Variants in PLCB1 observed in about 807,000 individuals in gnomAD.
PLCB1 encodes the protein phospholipase C beta 1, also known as 1-phosphatidylinositol 4,5-bisphosphate phosphodiesterase beta-1.
PLCB1 carries 46 observed loss-of-function variants against 161.8 expected under a neutral mutation model. The observed-to-expected ratio is 0.28, with a 90% CI of 0.22 to 0.36. The LOEUF is 0.36. Among genes scored for constraint, PLCB1 ranks in the 10% least tolerant of loss-of-function variants. The pLI, the probability that PLCB1 is intolerant of heterozygous loss-of-function variation, is 1.00. For missense variants in PLCB1, 1,016 were observed against 1,472.5 expected (o/e 0.69, Z 5.07); for synonymous variants, 517 against 503.7 (o/e 1.03, Z -0.35).
intron 31 of PLCB1, among the ~76,000 whole-genome samples, chr20:8,839,031 C>G (rs1042999279): frequency 3.3e-5 from 5 of 152,204 alleles, no homozygotes; most frequent in African/African-American, 1.2e-4. Flanking sequence ...ATTTAGTTCA[C>G]AGGGATCTTA....
At chr20:8,708,540 A>G in intron 11 of PLCB1, 130 bp from the exon 12 acceptor site, 1 of 624,948 alleles carries the variant, frequency 1.6e-6, no homozygotes, top group Non-Finnish European at 2.9e-6. Flanking sequence ...AATCCCTTCT[A>G]GCCATTTCAG....
At chr20:8,617,454 A>AT (rs1988066109) in intron 3 of PLCB1, among the ~76,000 whole-genome samples, 2 of 152,138 alleles carry the variant, frequency 1.3e-5, no homozygotes, top group African/African-American at 4.8e-5. Flanking sequence ...CTTTTTTTCA[A>AT]TTCTGAATTC....
intron 2 of PLCB1, among the ~76,000 whole-genome samples, chr20:8,208,028 T>C (rs923466501): frequency 3.5e-4 from 53 of 152,290 alleles, no homozygotes; most frequent in African/African-American, 1.2e-3. Flanking sequence ...GAGGAGGGAA[T>C]TGGCCTTTTG....
intron 3 of PLCB1, among the ~76,000 whole-genome samples, chr20:8,620,833 C>T (rs1480168516): frequency 6.6e-6 from 1 of 151,210 alleles, no homozygotes; most frequent in East Asian, 1.9e-4. Context: ...AAGCTCACAG[C>T]ATAGATGATG....
chr20:8,669,714 T>C (rs1013898084), intron 9 of PLCB1, among the ~76,000 whole-genome samples: 1 of 152,188 alleles, frequency 6.6e-6, no homozygotes, highest in African/African-American at 2.4e-5. Context: ...TGGCATTCCA[T>C]GCTGTGCTTT....
At chr20:8,387,734 T>A (rs939762297) in intron 3 of PLCB1, among the ~76,000 whole-genome samples, 8 of 152,156 alleles carry the variant, frequency 5.3e-5, no homozygotes, top group Non-Finnish European at 1.2e-4. Flanking sequence ...AAATGAGGTG[T>A]GCTTGTAGCT....
intron 3 of PLCB1, among the ~76,000 whole-genome samples, chr20:8,498,730 C>A (rs2122802714): frequency 6.6e-6 from 1 of 152,288 alleles, no homozygotes; most frequent in East Asian, 1.9e-4. Context: ...TGTTTAGGCT[C>A]ATGTTTCGGC....
chr20:8,873,714 T>C (rs1987683794), intron 31 of PLCB1, among the ~76,000 whole-genome samples: 1 of 152,098 alleles, frequency 6.6e-6, no homozygotes, highest in Non-Finnish European at 1.5e-5. Context: ...TTTTCACTTA[T>C]CACAAAAATA....
intron 31 of PLCB1, among the ~76,000 whole-genome samples, chr20:8,853,008 C>T (rs1227316712): frequency 6.6e-6 from 1 of 152,288 alleles, no homozygotes; most frequent in East Asian, 1.9e-4. Context: ...TGAGTGTCAC[C>T]ACCTGGAAAG....
chr20:8,587,303 G>A (rs578083512), intron 3 of PLCB1, among the ~76,000 whole-genome samples: 1 of 151,924 alleles, frequency 6.6e-6, no homozygotes, highest in Non-Finnish European at 1.5e-5. Context: ...TAATTAGTAG[G>A]AGTTAAAACA....
intron 3 of PLCB1, among the ~76,000 whole-genome samples, chr20:8,623,651 A>G (rs1988248284): frequency 6.6e-6 from 1 of 152,206 alleles, no homozygotes; most frequent in Admixed American, 6.5e-5. Context: ...AGTTAAAAAA[A>G]AATAGCTAAA....
intron 31 of PLCB1, chr20:8,802,160 G>A (rs778587537): frequency 2.6e-5 from 41 of 1,597,610 alleles, no homozygotes; most frequent in South Asian, 2.0e-4. Flanking sequence ...GGTGACCACC[G>A]TCCTTCCGGC....
chr20:8,434,344 CT>C (rs1980204501), intron 3 of PLCB1, among the ~76,000 whole-genome samples: 1 of 151,782 alleles, frequency 6.6e-6, no homozygotes, highest in South Asian at 2.1e-4. Flanking sequence ...GGTCTCTGTC[CT>C]TAATGGTGTT....
At chr20:8,505,368 A>G (rs1983597070) in intron 3 of PLCB1, among the ~76,000 whole-genome samples, 1 of 152,216 alleles carries the variant, frequency 6.6e-6, no homozygotes, top group Non-Finnish European at 1.5e-5. Flanking sequence ...CAAATAGGTA[A>G]ACATAGGCTG....
chr20:8,143,548 T>C (rs1011451352), intron 1 of PLCB1, among the ~76,000 whole-genome samples: 1 of 152,184 alleles, frequency 6.6e-6, no homozygotes, highest in Non-Finnish European at 1.5e-5. Context: ...ATTATTTTCA[T>C]TATAACTGCT....
At chr20:8,278,378 C>A (rs1043716151) in intron 2 of PLCB1, among the ~76,000 whole-genome samples, 13 of 127,130 alleles carry the variant, frequency 1.0e-4, no homozygotes, top group African/African-American at 2.5e-4. Flanking sequence ...TTGAATTAGC[C>A]TGTATGGACA....
chr20:8,716,790 C>T (rs1979338595), intron 13 of PLCB1, among the ~76,000 whole-genome samples: 1 of 152,198 alleles, frequency 6.6e-6, no homozygotes, highest in South Asian at 2.1e-4. Context: ...TGGTGTGGCA[C>T]AACTCAGGTC....
chr20:8,857,173 A>G (rs549500121), intron 31 of PLCB1, among the ~76,000 whole-genome samples: 2 of 152,200 alleles, frequency 1.3e-5, no homozygotes, highest in Non-Finnish European at 2.9e-5. Context: ...CAATAGCAAG[A>G]GTAGAGGCAC....
At chr20:8,162,071 C>G (rs2051630664) in intron 2 of PLCB1, among the ~76,000 whole-genome samples, 1 of 152,120 alleles carries the variant, frequency 6.6e-6, no homozygotes, top group South Asian at 2.1e-4. Flanking sequence ...TAGAATTAGT[C>G]TCAATATCTA....
Sources: allele counts gnomAD v4.1 joint callset (sites outside exome capture counted in the v4.1 genomes callset), GRCh38; gene constraint gnomAD v4.1.1; transcripts MANE v1.5; gene names NCBI Gene and HGNC (gene_info 2026-07-23, HGNC 2026-07-21).